ADARB2: variants seen among roughly 807,000 people sequenced by gnomAD.
ADARB2 encodes adenosine deaminase RNA specific B2 (inactive), also known as inactive double-stranded RNA-specific editase B2.
ADARB2 carries 25 observed loss-of-function variants against 62.2 expected under a neutral mutation model. That is an observed-to-expected ratio of 0.40 (90% CI 0.29 to 0.56). The LOEUF (loss-of-function observed/expected upper bound fraction) is 0.56, where lower values mean the gene tolerates loss of function less well. Ranked by LOEUF, ADARB2 falls within the 20% of genes least tolerant of loss-of-function variation. The pLI is 0.43. For synonymous variants in ADARB2, 572 were observed against 500.8 expected (o/e 1.14, Z -1.90); for missense variants, 1,071 against 1,077.4 (o/e 0.99, Z 0.08).
chr10:1,408,723 G>C (rs1386089942), intron 1 of ADARB2, among the ~76,000 whole-genome samples: 2 of 152,184 alleles, frequency 1.3e-5, no homozygotes, highest in African/African-American at 4.8e-5. Context: ...GAGCCTGTGT[G>C]AATCCTTTGT....
chr10:1,719,035 G>A lies in ADARB2; in HGVS notation c.100+18016C>T, dbSNP rs538532619. ...GAGTGCAGTGGCGTGATGTCAGCTC[G>A]CTGCAACCTCTGCCTCCCAGGTTCA... On this transcript the variant is annotated intron_variant, in intron 1 of 9. Transcript: ENST00000381312. Among the ~76,000 whole-genome samples the A allele has an allele frequency of 4.6e-5, 7 of 152,052 alleles. 1 individual carries two copies. The East Asian group carries it at 7.7e-4, about 17-fold the overall frequency.
rs372482615 is a variant in ADARB2, at chr10:1,714,277, G to C, written c.100+22774C>G. Among the ~76,000 whole-genome samples, 294 of 152,348 alleles carry C rather than the reference G, an allele frequency of 1.9e-3. 1 individual carries two copies. Among genetic ancestry groups the C allele is most frequent in the African/African-American group, 6.2e-3 (258 of 41,584 alleles). ...ATTGTGAAGCACCTCCGTAAACGACGTGTGAGTGTCGCTATCTAGAACCGG... is the reference window on the plus strand; with the variant it reads ...ATTGTGAAGCACCTCCGTAAACGACCTGTGAGTGTCGCTATCTAGAACCGG... On this transcript the variant is annotated intron_variant, in intron 1 of 9. Transcript: ENST00000381312.
chr10:1,266,275 G>A lies in ADARB2; in HGVS notation c.1192+4680C>T, dbSNP rs190312537. Reference sequence around the variant, plus strand: ...GTCAGGCCTGGGAGGGCCCAGCCTCGTGCCTGTAGGTCCGGTGCAACAGCG... The same window carrying A: ...GTCAGGCCTGGGAGGGCCCAGCCTCATGCCTGTAGGTCCGGTGCAACAGCG... On this transcript the variant is annotated intron_variant, in intron 4 of 9. Coordinates refer to ENST00000381312, the MANE Select transcript of ADARB2 (RefSeq NM_018702.4). Among the ~76,000 whole-genome samples the A allele has an allele frequency of 4.6e-5, 7 of 152,352 alleles. No individual in the cohort carries two copies. The East Asian group carries it at 1.2e-3, about 25-fold the overall frequency.
chr10:1,544,009 A>AC lies in ADARB2; in HGVS notation c.101-164850_101-164849insG, dbSNP rs1491413450. ...GAATGGCAGGTGACCAAAAAAAAAAAAAAACAAACAAAAAAAAAAACACAC... is the reference window on the plus strand; with the variant it reads ...GAATGGCAGGTGACCAAAAAAAAAAACAAAACAAACAAAAAAAAAAACACAC... On this transcript the variant is annotated intron_variant, in intron 1 of 9. Coordinates refer to ENST00000381312, the MANE Select transcript of ADARB2 (RefSeq NM_018702.4). Among the ~76,000 whole-genome samples, 12 of 23,328 alleles carry AC rather than the reference A, an allele frequency of 5.1e-4. No individual in the cohort carries two copies. The South Asian group carries it at 0.016, about 31-fold the overall frequency. 15.3% of individuals were successfully genotyped at this position (23,328 alleles called of 152,430 possible).
At chr10:1,396,759 T>G in intron 1 of ADARB2, among the ~76,000 whole-genome samples, 1 of 61,504 alleles carries the variant, frequency 1.6e-5, no homozygotes, top group East Asian at 4.4e-4. Flanking sequence ...GAGTGCAGGC[T>G]TCCTGGGTCA....
intron 1 of ADARB2, among the ~76,000 whole-genome samples, chr10:1,672,867 C>T (rs59816412): frequency 2.6e-5 from 4 of 151,488 alleles, no homozygotes; most frequent in Admixed American, 6.6e-5. Context: ...AATGAGACAA[C>T]TAAGAGCTAG....
chr10:1,292,065 G>A (rs7900084), intron 3 of ADARB2: 5,619 of 152,398 alleles, frequency 0.037, 365 homozygotes, highest in African/African-American at 0.13. Context: ...AGAAAGCAGC[G>A]TTCACCACTA....
At chr10:1,217,228 G>T (rs989959967) in intron 6 of ADARB2, 109 bp from the exon 7 acceptor site, 2 of 1,160,120 alleles carry the variant, frequency 1.7e-6, no homozygotes, top group Non-Finnish European at 2.3e-6. Flanking sequence ...CCTCACCATG[G>T]CTGGGCGTTT....
chr10:1,380,530 G>A (rs1037445572), intron 1 of ADARB2, among the ~76,000 whole-genome samples: 7 of 152,196 alleles, frequency 4.6e-5, no homozygotes, highest in Admixed American at 2.0e-4. Flanking sequence ...GCCTTCAGGC[G>A]TCCAGACTCA....
chr10:1,186,299 T>TG (rs1417531265), intron 8 of ADARB2, among the ~76,000 whole-genome samples: 2 of 152,112 alleles, frequency 1.3e-5, no homozygotes, highest in East Asian at 1.9e-4. Flanking sequence ...CCATGGGTGG[T>TG]GGGGGAGGCA....
intron 1 of ADARB2, among the ~76,000 whole-genome samples, chr10:1,655,672 T>TA (rs559692568): frequency 4.2e-4 from 62 of 146,092 alleles, no homozygotes; most frequent in African/African-American, 1.1e-3. Context: ...AAAGTGGAAT[T>TA]AAAAAAAAAA....
At chr10:1,225,337 C>T (rs1184168547) in intron 6 of ADARB2, among the ~76,000 whole-genome samples, 1 of 152,184 alleles carries the variant, frequency 6.6e-6, no homozygotes, top group Non-Finnish European at 1.5e-5. Flanking sequence ...CTGAATACAG[C>T]ACACTGATGG....
intron 1 of ADARB2, among the ~76,000 whole-genome samples, chr10:1,591,090 T>C (rs1833246215): frequency 6.6e-6 from 1 of 152,280 alleles, no homozygotes; most frequent in Admixed American, 6.5e-5. Context: ...CGAAGCCTTT[T>C]TAATTCATCC....
chr10:1,341,755 A>G (rs1405187476), intron 3 of ADARB2, among the ~76,000 whole-genome samples: 1 of 152,130 alleles, frequency 6.6e-6, no homozygotes, highest in African/African-American at 2.4e-5. Context: ...AGCATCCACC[A>G]GAGAACAAAG....
chr10:1,482,880 A>G (rs1022033517), intron 1 of ADARB2, among the ~76,000 whole-genome samples: 3 of 152,128 alleles, frequency 2.0e-5, no homozygotes, highest in Non-Finnish European at 2.9e-5. Flanking sequence ...GCAAGTTCAC[A>G]AAACTGTGAA....
rs947361064 is a variant in ADARB2 at position 1,374,583 on chromosome 10, G to C, written c.187+4491C>G. Among the ~76,000 whole-genome samples, 7 of 152,318 alleles carry C rather than the reference G, an allele frequency of 4.6e-5. No individual in the cohort carries two copies. In the South Asian group the frequency reaches 1.0e-3, roughly 23 times the overall value. On this transcript the variant is annotated intron_variant, in intron 2 of 9. Transcript: ENST00000381312. ...CTTTCAAAGGTGGAGAGCATGTGCG[G>C]GTGGGGCCAGGCCGGGTGGGTCTGC...
chr10:1,386,853 G>A (rs1832529597), intron 1 of ADARB2, among the ~76,000 whole-genome samples: 1 of 151,778 alleles, frequency 6.6e-6, no homozygotes, highest in Non-Finnish European at 1.5e-5. Flanking sequence ...TGCTGAGATG[G>A]ACTGTACACT....
At chr10:1,675,625 T>C (rs1834458106) in intron 1 of ADARB2, among the ~76,000 whole-genome samples, 2 of 151,158 alleles carry the variant, frequency 1.3e-5, no homozygotes, top group Non-Finnish European at 2.9e-5. Flanking sequence ...ACATGGATGT[T>C]CTGGAGGTTT....
intron 1 of ADARB2, among the ~76,000 whole-genome samples, chr10:1,698,277 G>T (rs989734709): frequency 6.6e-6 from 1 of 152,170 alleles, no homozygotes; most frequent in African/African-American, 2.4e-5. Flanking sequence ...CCACCCATTA[G>T]CAGGTGCGGG....
Sources: gnomAD v4.1 joint callset for allele counts (sites outside exome capture counted in the v4.1 genomes callset) on GRCh38, gnomAD v4.1.1 for gene constraint, MANE v1.5 for transcripts, NCBI Gene and HGNC (gene_info 2026-07-23, HGNC 2026-07-21) for gene names.